The following PIWIL1 variants were observed in gnomAD, a reference collection of about 807,000 sequenced individuals.
PIWIL1 encodes the protein piwi like RNA-mediated gene silencing 1, also known as piwi-like protein 1.
In PIWIL1, 73 loss-of-function variants were observed where a neutral mutation model predicts 114.4. That is an observed-to-expected ratio of 0.64 (90% CI 0.53 to 0.78). The LOEUF (loss-of-function observed/expected upper bound fraction) is 0.78. PIWIL1 is among the 30% of genes least tolerant of loss of function. The pLI is 0.00. For synonymous variants in PIWIL1, 375 were observed against 369.0 expected (o/e 1.02, Z -0.19); for missense variants, 723 against 1,063.1 (o/e 0.68, Z 4.45).
the PIWIL1 span, among the ~76,000 whole-genome samples, chr12:130,413,773 C>T: frequency 6.6e-6 from 1 of 152,062 alleles, no homozygotes; most frequent in Non-Finnish European, 1.5e-5. Flanking sequence ...CCCTCCCTTT[C>T]CCTCTCCCTC....
At chr12:130,414,225 C>T in the PIWIL1 span, 4 of 1,613,990 alleles carry the variant, frequency 2.5e-6, no homozygotes, top group South Asian at 1.1e-5. Context: ...CACAAAGATC[C>T]GGGCCGGGAG....
At chr12:130,374,945 G>A (rs942362518), downstream of PIWIL1, among the ~76,000 whole-genome samples, 1 of 152,074 alleles carries the variant, frequency 6.6e-6, no homozygotes, top group African/African-American at 2.4e-5. Flanking sequence ...TGCTGCTGTT[G>A]TCTCTCCTAC....
At chr12:130,382,398 G>T in the PIWIL1 span, among the ~76,000 whole-genome samples, 1 of 152,206 alleles carries the variant, frequency 6.6e-6, no homozygotes. Context: ...TGCTGCCTCT[G>T]CAGGCTAAAT....
At chr12:130,372,798 T>A (rs546330077), downstream of PIWIL1, among the ~76,000 whole-genome samples, 1 of 152,202 alleles carries the variant, frequency 6.6e-6, no homozygotes. Flanking sequence ...AATTGTAGTT[T>A]TTTATATCTA....
the PIWIL1 span, among the ~76,000 whole-genome samples, chr12:130,421,561 A>G: frequency 2.0e-5 from 3 of 152,206 alleles, no homozygotes; most frequent in African/African-American, 7.2e-5. Context: ...AGCTATTTCA[A>G]CGAGATTCCA....
chr12:130,345,341 T>A (rs1297118141), intron 3 of PIWIL1: 1 of 153,540 alleles, frequency 6.5e-6, no homozygotes, highest in African/African-American at 2.4e-5. Context: ...ACCAGCAACT[T>A]CTGTAGTTGT....
At chr12:130,394,707 G>A in the PIWIL1 span, among the ~76,000 whole-genome samples, 2 of 150,894 alleles carry the variant, frequency 1.3e-5, no homozygotes, top group Non-Finnish European at 2.9e-5. Context: ...TAATTTTCAA[G>A]AATAAGAAAA....
intron 1 of PIWIL1, among the ~76,000 whole-genome samples, chr12:130,341,057 CAG>C (rs1174920264): frequency 1.3e-5 from 2 of 152,160 alleles, no homozygotes; most frequent in Non-Finnish European, 2.9e-5. Flanking sequence ...TGTTAAAACT[CAG>C]AGGATGAAAA....
rs2073311297 is a variant in PIWIL1 at position 130,354,587 on chromosome 12, GC to G, written c.1098del (p.Lys367ArgfsTer26). 6.2e-7 allele frequency: 1 copy of G among 1,613,818 alleles called. No individual in the cohort carries two copies. Among genetic ancestry groups the G allele is most frequent in the Non-Finnish European group, 8.5e-7 (1 of 1,179,968 alleles). ...TGAAGCAGCCTGTCTTGGTCAGCCA[GC>G]CCAAGAGAAGGCGGGGCCCTGGGGG... ...DLKQPVLVSQ[P>X]KRRRGPGGTL... is the part of the protein sequence containing the mutation. On this transcript the variant is annotated frameshift_variant, in exon 10 of 21. Transcript: ENST00000245255. LOFTEE classifies it high-confidence loss of function.
chr12:130,393,341 C>T, the PIWIL1 span, among the ~76,000 whole-genome samples: 581 of 137,492 alleles, frequency 4.2e-3, 18 homozygotes, highest in Non-Finnish European at 6.1e-3. Context: ...ACCATCATCA[C>T]GTGTGTCCGT....
At chr12:130,400,645 C>T in the PIWIL1 span, among the ~76,000 whole-genome samples, 4 of 152,168 alleles carry the variant, frequency 2.6e-5, no homozygotes, top group African/African-American at 7.2e-5. Context: ...AAAGAGCCTA[C>T]TACATCAAAA....
chr12:130,357,574 TAGGC>T (rs1450074518), intron 14 of PIWIL1, 21 bp downstream of exon 14: 1 of 1,548,094 alleles, frequency 6.5e-7, no homozygotes, highest in African/African-American at 1.4e-5. Context: ...AATTGACATA[TAGGC>T]AGTTTTCGGT....
chr12:130,366,983 A>G lies in PIWIL1; in HGVS notation c.2196-150A>G, dbSNP rs868331900. ...CGTGGTCTTTACTCCTGTCAAGAGTAAGATCCTGATCCTTCTCCACAACCT... is the reference window on the plus strand; with the variant it reads ...CGTGGTCTTTACTCCTGTCAAGAGTGAGATCCTGATCCTTCTCCACAACCT... On this transcript the variant is annotated intron_variant, in intron 18 of 20. Transcript: ENST00000245255. 68 of 860,872 alleles carry G rather than the reference A, an allele frequency of 7.9e-5. No homozygotes were observed. The Middle Eastern group carries it at 2.6e-3, about 33-fold the overall frequency. 53.3% of individuals were successfully genotyped at this position (860,872 alleles called of 1,614,324 possible). A position where few individuals can be genotyped will look rare whatever the true frequency, so the allele number is the denominator to read the frequency against.
chr12:130,355,778 G>T, intron 12 of PIWIL1, 111 bp downstream of exon 12: 1 of 759,118 alleles, frequency 1.3e-6, no homozygotes, highest in South Asian at 1.6e-5. Flanking sequence ...CTCCGAGTAA[G>T]GCAGTTTTTA....
chr12:130,416,487 T>G, the PIWIL1 span, among the ~76,000 whole-genome samples: 1 of 152,212 alleles, frequency 6.6e-6, no homozygotes, highest in Non-Finnish European at 1.5e-5. Context: ...GACTCCCCAT[T>G]CAATAAATGC....
chr12:130,352,182 CCTT>C (rs2136149712), intron 9 of PIWIL1, among the ~76,000 whole-genome samples: 1 of 152,180 alleles, frequency 6.6e-6, no homozygotes, highest in South Asian at 2.1e-4. Flanking sequence ...AGAATCAAAG[CCTT>C]CTTAGATTTT....
the PIWIL1 span, among the ~76,000 whole-genome samples, chr12:130,400,901 T>C: frequency 1.3e-5 from 2 of 152,102 alleles, no homozygotes; most frequent in African/African-American, 4.8e-5. Flanking sequence ...CACACTACTA[T>C]CAAAAACAAA....
Position 130,354,549 on chromosome 12 carries a change from G to A in PIWIL1, c.1057G>A (p.Glu353Lys). The A allele has an allele frequency of 6.2e-7, 1 of 1,614,144 alleles. No individual in the cohort carries two copies. Among genetic ancestry groups the A allele is most frequent in the Non-Finnish European group, 8.5e-7 (1 of 1,180,038 alleles). Residue 353 changes from glutamate (E) to lysine (K), a missense_variant, in exon 10 of 21, where the codon GAG becomes AAG. Physicochemically the swap from Glu to Lys is moderately conservative, Grantham distance 56 (BLOSUM62 1). Coordinates refer to ENST00000245255, the MANE Select transcript of PIWIL1 (RefSeq NM_004764.5). ...LEYYRKQYNQ[E>K]ITDLKQPVLV... ...GTCTCTTGAGCAGCAATACAACCAAGAGATCACCGACTTGAAGCAGCCTGT... is the reference window on the plus strand; with the variant it reads ...GTCTCTTGAGCAGCAATACAACCAAAAGATCACCGACTTGAAGCAGCCTGT...
the PIWIL1 span, among the ~76,000 whole-genome samples, chr12:130,402,459 T>G: frequency 6.6e-6 from 1 of 152,128 alleles, no homozygotes; most frequent in African/African-American, 2.4e-5. Flanking sequence ...GTTTCCTGCC[T>G]GGAGGGTTCC....
Sources: gnomAD v4.1 joint callset for allele counts (sites outside exome capture counted in the v4.1 genomes callset) on GRCh38, gnomAD v4.1.1 for gene constraint, MANE v1.5 for transcripts, NCBI Gene and HGNC (gene_info 2026-07-23, HGNC 2026-07-21) for gene names.